The following TMEM109 variants were observed in gnomAD, a reference collection of about 807,000 sequenced individuals.
TMEM109 encodes the protein voltage-gated monoatomic cation channel TMEM109.
Under a neutral mutation model 26.4 loss-of-function variants are expected in TMEM109, and 19 were observed. That is an observed-to-expected ratio of 0.72 (90% CI 0.50 to 1.06). TMEM109 has a LOEUF of 1.06. Ranked by LOEUF, TMEM109 falls within the 50% of genes least tolerant of loss-of-function variation. The pLI, the probability that TMEM109 is intolerant of heterozygous loss-of-function variation, is 0.00. For missense variants in TMEM109, 262 were observed against 303.4 expected (o/e 0.86, Z 1.01); for synonymous variants, 129 against 142.0 (o/e 0.91, Z 0.65).
rs75070807 is a variant in TMEM109 at position 60,922,062 on chromosome 11, C to T, written c.629C>T (p.Ala210Val). ...SRLTGSRASG[A>V]QLEAKVRGLE... is the part of the protein sequence containing the mutation. ...CTCACTGGCTCCCGAGCCTCTGGGG[C>T]CCAACTCGAGGCCAAGGTGCGAGGG... Residue 210 changes from alanine to valine, a missense_variant, in exon 4 of 4, where the codon GCC (alanine) becomes GTC (valine). Coordinates refer to ENST00000227525, the MANE Select transcript of TMEM109 (RefSeq NM_024092.3). 45,659 of 1,613,236 alleles carry T rather than the reference C, an allele frequency of 0.028. 799 individuals are homozygous for T. The highest frequency in any genetic ancestry group is 0.034 in the Non-Finnish European group (40,556 of 1,179,964).
chr11:60,915,299 TGAG>T (rs1324099600), intron 1 of TMEM109, among the ~76,000 whole-genome samples: 1 of 152,228 alleles, frequency 6.6e-6, no homozygotes, highest in Non-Finnish European at 1.5e-5. Flanking sequence ...CTTTTACGTT[TGAG>T]GAGACTGCAA....
At position 60,914,231 on chromosome 11, in the gene TMEM109, C is replaced by G. The variant is rs1196783955; in HGVS notation, c.-46C>G. ...GCGCGGGTTTGGTGGCGCGTTTCAG[C>G]GAAGTCGCACGTGAAGGATAGCAGT... On this transcript the variant is annotated 5_prime_UTR_variant, in exon 1 of 4. Coordinates refer to ENST00000227525, the MANE Select transcript of TMEM109 (RefSeq NM_024092.3). 1.3e-5 allele frequency: 2 copies of G among 152,190 alleles called. No individual in the cohort carries two copies. Among genetic ancestry groups the G allele is most frequent in the Non-Finnish European group, 2.9e-5 (2 of 68,042 alleles). The allele number at this position is 152,190 out of a possible 1,614,324, so 9.4% of individuals were successfully genotyped here. A position where few individuals can be genotyped will look rare whatever the true frequency, so the allele number is the denominator to read the frequency against.
At chr11:60,914,605 A>G (rs1011613417) in intron 1 of TMEM109, among the ~76,000 whole-genome samples, 1 of 152,226 alleles carries the variant, frequency 6.6e-6, no homozygotes, top group African/African-American at 2.4e-5. Flanking sequence ...AGCCTCCTGC[A>G]GCCTCGGCTC....
intron 1 of TMEM109, among the ~76,000 whole-genome samples, chr11:60,916,085 A>G (rs1269435668): frequency 1.3e-5 from 2 of 152,158 alleles, no homozygotes; most frequent in African/African-American, 2.4e-5. Flanking sequence ...GACTATGTCC[A>G]CTATCAAGGC....
rs1590616788 is a variant in TMEM109, at chr11:60,919,580, G to T, written c.-8-106G>T. ...AGCACTTTCTTTCCAGGGTTAGTTT[G>T]GTGCTTGCTTGGGGTAGGGGTGGAG... On this transcript the variant is annotated intron_variant, in intron 1 of 3. Transcript: ENST00000227525. 7 of 911,546 alleles carry T rather than the reference G, an allele frequency of 7.7e-6. No homozygotes were observed. The East Asian group carries it at 1.5e-4, about 19-fold the overall frequency. The allele number at this position is 911,546 out of a possible 1,614,324, so 56.5% of individuals were successfully genotyped here.
chr11:60,919,627 G>A (rs1336672561), intron 1 of TMEM109, 59 bp from the exon 2 acceptor site: 1 of 1,380,564 alleles, frequency 7.2e-7, no homozygotes, highest in African/African-American at 1.4e-5. Flanking sequence ...GATAATCAGA[G>A]CTGAGAGGGT....
rs1856144203 is a variant in TMEM109, at chr11:60,914,225, T to C, written c.-52T>C. On this transcript the variant is annotated 5_prime_UTR_variant, in exon 1 of 4. Coordinates refer to ENST00000227525, the MANE Select transcript of TMEM109 (RefSeq NM_024092.3). ...GTTGAGGCGCGGGTTTGGTGGCGCG[T>C]TTCAGCGAAGTCGCACGTGAAGGAT... 1 of 151,908 alleles carries C rather than the reference T, an allele frequency of 6.6e-6. No homozygotes were observed. The highest frequency in any genetic ancestry group is 2.1e-4 in the South Asian group (1 of 4,806). The allele number at this position is 151,908 out of a possible 1,614,324, so 9.4% of individuals were successfully genotyped here. A position where few individuals can be genotyped will look rare whatever the true frequency, so the allele number is the denominator to read the frequency against.
chr11:60,918,135 C>A (rs1168589764), intron 1 of TMEM109, among the ~76,000 whole-genome samples: 1 of 152,166 alleles, frequency 6.6e-6, no homozygotes, highest in Non-Finnish European at 1.5e-5. Context: ...AACACCTACC[C>A]GATGGGCTGT....
chr11:60,921,090 T>A, intron 3 of TMEM109, 102 bp downstream of exon 3: 1 of 1,038,526 alleles, frequency 9.6e-7, no homozygotes, highest in Non-Finnish European at 1.5e-6. Flanking sequence ...CCAAGCTGCT[T>A]AACCCTTCCC....
rs552520349 is a variant in TMEM109, at chr11:60,919,771, C to T, written c.78C>T (p.Ile26=). Residue 26 remains isoleucine, a synonymous_variant, in exon 2 of 4, where the codon ATC becomes ATT. Coordinates refer to ENST00000227525, the MANE Select transcript of TMEM109 (RefSeq NM_024092.3). ...KAILMVLVAL[I]LLHSALAQSR... is the part of the protein sequence containing the mutation. The stretch of plus-strand genomic sequence containing the variant: ...TTCTGATGGTCCTAGTGGCCCTTAT[C>T]CTCCTCCACTCAGCATTGGCCCAGT... The T allele has an allele frequency of 6.2e-7, 1 of 1,614,156 alleles. No homozygotes were observed. The highest frequency in any genetic ancestry group is 2.2e-5 in the East Asian group (1 of 44,890).
chr11:60,919,401 CT>C (rs1318601711), intron 1 of TMEM109, among the ~76,000 whole-genome samples: 1 of 152,158 alleles, frequency 6.6e-6, no homozygotes, highest in African/African-American at 2.4e-5. Context: ...TGGCACAAAC[CT>C]TAGAGAGATC....
chr11:60,920,685 C>G (rs981674935), intron 2 of TMEM109, among the ~76,000 whole-genome samples: 2 of 152,206 alleles, frequency 1.3e-5, no homozygotes, highest in Non-Finnish European at 2.9e-5. Context: ...TGTTGGCCAT[C>G]CCTGTAGACT....
chr11:60,916,676 G>T (rs1043486219), intron 1 of TMEM109, among the ~76,000 whole-genome samples: 1 of 152,202 alleles, frequency 6.6e-6, no homozygotes, highest in African/African-American at 2.4e-5. Context: ...TTGGTATCTG[G>T]TGCACTTCAG....
chr11:60,916,030 T>C (rs537638621), intron 1 of TMEM109, among the ~76,000 whole-genome samples: 23 of 152,320 alleles, frequency 1.5e-4, no homozygotes, highest in African/African-American at 5.3e-4. Flanking sequence ...CTGGATGTCC[T>C]TCCACTTTGA....
chr11:60,922,913 A>G lies in TMEM109; in HGVS notation c.*748A>G, dbSNP rs578038931. On this transcript the variant is annotated 3_prime_UTR_variant, in exon 4 of 4. Coordinates refer to ENST00000227525, the MANE Select transcript of TMEM109 (RefSeq NM_024092.3). ...GTCACTCTCAGAATCTTGATTCCCC[A>G]TCAGCCAAAGCAAAAGATGGCTGCT... is the stretch of plus-strand genomic sequence containing the variant. The G allele has an allele frequency of 6.5e-6, 1 of 153,602 alleles. No individual in the cohort carries two copies. Among genetic ancestry groups the G allele is most frequent in the Non-Finnish European group, 1.5e-5 (1 of 68,818 alleles). The allele number at this position is 153,602 out of a possible 1,614,324, so 9.5% of individuals were successfully genotyped here. A position where few individuals can be genotyped will look rare whatever the true frequency, so the allele number is the denominator to read the frequency against.
At chr11:60,914,916 C>G (rs12294981) in intron 1 of TMEM109, among the ~76,000 whole-genome samples, 9,776 of 152,302 alleles carry the variant, frequency 0.064, 592 homozygotes, top group African/African-American at 0.17. Flanking sequence ...TTAGGACCTT[C>G]CTTTAGACTC....
intron 1 of TMEM109, among the ~76,000 whole-genome samples, chr11:60,917,519 C>T (rs1342783943): frequency 6.6e-6 from 1 of 152,204 alleles, no homozygotes; most frequent in East Asian, 1.9e-4. Context: ...AATGAGTTGG[C>T]ACTTGTTGGG....
chr11:60,919,646 C>T (rs1565115826), intron 1 of TMEM109, 40 bp from the exon 2 acceptor site: 2 of 1,521,772 alleles, frequency 1.3e-6, no homozygotes, highest in Non-Finnish European at 1.8e-6. Flanking sequence ...GTGAGTGTGT[C>T]TACCATGGCA....
chr11:60,916,219 T>G (rs892260905), intron 1 of TMEM109, among the ~76,000 whole-genome samples: 5 of 152,144 alleles, frequency 3.3e-5, no homozygotes, highest in African/African-American at 9.7e-5. Context: ...CTTTTCTGAG[T>G]AAGATGAAGA....
Sources: gnomAD v4.1 joint callset for allele counts (sites outside exome capture counted in the v4.1 genomes callset) on GRCh38, gnomAD v4.1.1 for gene constraint, MANE v1.5 for transcripts, NCBI Gene and HGNC (gene_info 2026-07-23, HGNC 2026-07-21) for gene names.